Variants in AHRR observed in about 807,000 individuals in gnomAD.
The protein encoded by AHRR is ahR repressor.
Under a neutral mutation model 44.0 loss-of-function variants are expected in AHRR, and 28 were observed. The observed-to-expected ratio is 0.64, with a 90% CI of 0.47 to 0.87. AHRR has a LOEUF of 0.87. AHRR is among the 40% of genes least tolerant of loss of function. The pLI is 0.00. For synonymous variants in AHRR, 434 were observed against 407.0 expected, an observed-to-expected ratio of 1.07 and a Z score of -0.80; for missense variants, 990 against 953.9, an observed-to-expected ratio of 1.04 and a Z score of -0.50.
intron 3 of AHRR, among the ~76,000 whole-genome samples, chr5:366,446 G>A (rs1451265927): frequency 8.4e-6 from 1 of 118,488 alleles, no homozygotes; most frequent in African/African-American, 3.3e-5. Flanking sequence ...GAATGAATAA[G>A]TAAATAAGTT....
Position 404,057 on chromosome 5 carries a change from C to T in AHRR, c.352-9287C>T. 1 of 703,242 alleles carries T rather than the reference C, an allele frequency of 1.4e-6. No individual in the cohort carries two copies. Among genetic ancestry groups the T allele is most frequent in the Non-Finnish European group, 2.6e-6 (1 of 385,466 alleles). 43.6% of individuals were successfully genotyped at this position (703,242 alleles called of 1,614,324 possible). A position where few individuals can be genotyped will look rare whatever the true frequency, so the allele number is the denominator to read the frequency against. On this transcript the variant is annotated intron_variant, in intron 4 of 10. Coordinates refer to ENST00000684583, the MANE Select transcript of AHRR (RefSeq NM_001377236.1). This position sits in a 1 kb window ranked among gnomAD's most constrained non-coding sequence, Gnocchi z 4.1. ...ATCTGTTTAGTCTTTGCATCCAAAT[C>T]ATGTTGTCCAGCGTTTGAAGAAAAA...
rs1440860750 is a variant in AHRR, at chr5:383,047, T to G, written c.351+6331T>G. Among the ~76,000 whole-genome samples the G allele has an allele frequency of 6.6e-6, 1 of 152,254 alleles. No individual in the cohort carries two copies. The highest frequency in any genetic ancestry group is 1.5e-5 in the Non-Finnish European group (1 of 68,036). ...CTTGTGTTATTTAGAAGTATGTTGT[T>G]TAACTTACAAATATTTGGACATTTT... On this transcript the variant is annotated intron_variant, in intron 4 of 10. Transcript: ENST00000684583. The surrounding 1 kb of genome is among the most constrained non-coding windows in gnomAD (Gnocchi z 4.0).
At chr5:329,492 T>C (rs1741840547) in intron 1 of AHRR, among the ~76,000 whole-genome samples, 1 of 152,216 alleles carries the variant, frequency 6.6e-6, no homozygotes, top group South Asian at 2.1e-4. Flanking sequence ...AAGTGTGAGC[T>C]ACCATGCCCA....
In AHRR at chr5:434,940, G is replaced by A. The variant is rs2672779; in HGVS notation, c.*106G>A. 1.4e-5 allele frequency: 20 copies of A among 1,410,914 alleles called. No homozygotes were observed. The highest frequency in any genetic ancestry group is 1.1e-4 in the African/African-American group (8 of 69,816). 87.4% of individuals were successfully genotyped at this position (1,410,914 alleles called of 1,614,324 possible). On this transcript the variant is annotated 3_prime_UTR_variant, in exon 11 of 11. Coordinates refer to ENST00000684583, the MANE Select transcript of AHRR (RefSeq NM_001377236.1). ...GGCCGGAGCCCGTCCTAAGACACAC[G>A]CTTTGCAGAGCTGTGCATGCGCAGT...
At chr5:425,614 C>T (rs1736350671) in intron 7 of AHRR, among the ~76,000 whole-genome samples, 1 of 152,142 alleles carries the variant, frequency 6.6e-6, no homozygotes, top group African/African-American at 2.4e-5. Context: ...TAACCAATTC[C>T]TGGTTAATTA....
chr5:360,411 G>A (rs1301760331), intron 3 of AHRR, among the ~76,000 whole-genome samples: 1 of 152,212 alleles, frequency 6.6e-6, no homozygotes, highest in Non-Finnish European at 1.5e-5. Flanking sequence ...GAGAAGTGGG[G>A]TGCCCTGCAC....
chr5:433,099 G>C (rs554465619), intron 10 of AHRR, 152 bp downstream of exon 10: 1 of 1,029,792 alleles, frequency 9.7e-7, no homozygotes, highest in Admixed American at 3.1e-5. Flanking sequence ...CTTACTCTCT[G>C]TGGAGCTGTC....
chr5:427,066 G>A (rs927749510), intron 7 of AHRR, among the ~76,000 whole-genome samples: 1 of 151,560 alleles, frequency 6.6e-6, no homozygotes, highest in African/African-American at 2.4e-5. Flanking sequence ...TGGATGGGTG[G>A]ATGGATGGAT....
At chr5:331,633 C>G (rs761095084) in intron 1 of AHRR, among the ~76,000 whole-genome samples, 1 of 152,182 alleles carries the variant, frequency 6.6e-6, no homozygotes, top group Non-Finnish European at 1.5e-5. Context: ...CCCCAGGCCT[C>G]GGACCGGTAC....
At chr5:378,251 C>T (rs1204433773) in intron 4 of AHRR, among the ~76,000 whole-genome samples, 5 of 152,078 alleles carry the variant, frequency 3.3e-5, no homozygotes, top group Non-Finnish European at 7.4e-5. Context: ...TCACAATAAA[C>T]TGAAAAAAAG....
chr5:432,491 T>G lies in AHRR; in HGVS notation c.937T>G (p.Ser313Ala), dbSNP rs1736775454. 6.2e-7 allele frequency: 1 copy of G among 1,614,230 alleles called. No individual in the cohort carries two copies. The highest frequency in any genetic ancestry group is 8.5e-7 in the Non-Finnish European group (1 of 1,180,024). The change falls in exon 9 of 11, where the codon TCG becomes GCG. Residue 313 changes from serine to alanine, a missense_variant. Physicochemically the swap from Ser to Ala is moderately conservative, Grantham distance 99. Transcript: ENST00000684583. ...KVKATTSLCE[S>A]ELHGKPNYSA... ...AAAAGCCACCACCAGTCTGTGCGAA[T>G]CGGAACTGCATGGAAAACCCAATTA...
chr5:417,731 TA>T (rs57776750), intron 5 of AHRR, among the ~76,000 whole-genome samples: 38,402 of 149,306 alleles, frequency 0.26, 5,888 homozygotes, highest in Non-Finnish European at 0.35. Context: ...CATGAGAAGT[TA>T]AAAAAAAAAA....
chr5:373,807 C>T (rs947239576), intron 3 of AHRR, among the ~76,000 whole-genome samples: 2 of 151,052 alleles, frequency 1.3e-5, no homozygotes, highest in East Asian at 2.0e-4. Flanking sequence ...ACGCGCCTGG[C>T]GCTCCCCGCG....
chr5:426,579 G>T (rs1736403830), intron 7 of AHRR, among the ~76,000 whole-genome samples: 1 of 150,556 alleles, frequency 6.6e-6, no homozygotes, highest in African/African-American at 2.4e-5. Context: ...AGATGGATGG[G>T]TAGGTGCATA....
At chr5:427,346 T>G (rs1025733720) in intron 7 of AHRR, among the ~76,000 whole-genome samples, 12 of 152,240 alleles carry the variant, frequency 7.9e-5, no homozygotes, top group Non-Finnish European at 1.5e-4. Flanking sequence ...GTGCCTAAAT[T>G]TCATAATTAC....
At chr5:432,717 G>A (rs1333508988) in intron 9 of AHRR, 89 bp from the exon 10 acceptor site, 13 of 1,601,142 alleles carry the variant, frequency 8.1e-6, no homozygotes, top group Non-Finnish European at 1.1e-5. Context: ...GGAGCCGATG[G>A]GTCCTGCCTT....
At chr5:371,892 G>A (rs1322059449) in intron 3 of AHRR, among the ~76,000 whole-genome samples, 1 of 152,170 alleles carries the variant, frequency 6.6e-6, no homozygotes. Flanking sequence ...GCTTAGGGTC[G>A]ATGTGCCTGT....
Position 405,480 on chromosome 5 carries a change from G to A in AHRR, c.352-7864G>A, listed in dbSNP as rs562948699. ...TGTTTTGTTGTGACAGCTGGGCAGG[G>A]GCTCCCTGACATCTTCCTCCGAGTG... On this transcript the variant is annotated intron_variant, in intron 4 of 10. Transcript: ENST00000684583. The surrounding 1 kb of genome is among the most constrained non-coding windows in gnomAD (Gnocchi z 4.5). Among the ~76,000 whole-genome samples the A allele has an allele frequency of 3.2e-4, 48 of 152,294 alleles. No individual in the cohort carries two copies. Among genetic ancestry groups the A allele is most frequent in the African/African-American group, 1.1e-3 (45 of 41,558 alleles).
intron 5 of AHRR, among the ~76,000 whole-genome samples, chr5:414,211 T>A (rs1735607162): frequency 6.6e-6 from 1 of 151,788 alleles, no homozygotes; most frequent in African/African-American, 2.4e-5. Context: ...TGCAGTGAGG[T>A]GAGATCGAGT....
Sources: gnomAD v4.1 joint callset for allele counts (sites outside exome capture counted in the v4.1 genomes callset) on GRCh38, gnomAD v4.1.1 for gene constraint, Gnocchi (gnomAD v3.1) non-coding constraint, MANE v1.5 for transcripts, NCBI Gene and HGNC (gene_info 2026-07-23, HGNC 2026-07-21) for gene names.